Variants in RAB11FIP3 observed in about 807,000 individuals in gnomAD.
The protein encoded by RAB11FIP3 is rab11 family-interacting protein 3.
Under a neutral mutation model 77.8 loss-of-function variants are expected in RAB11FIP3, and 17 were observed. That is an observed-to-expected ratio of 0.22 (90% CI 0.15 to 0.33). The LOEUF (loss-of-function observed/expected upper bound fraction) is 0.33. RAB11FIP3 is among the 10% of genes least tolerant of loss of function. The pLI is 1.00. For missense variants in RAB11FIP3, 1,005 were observed against 1,011.2 expected (o/e 0.99, Z 0.08); for synonymous variants, 437 against 448.2 (o/e 0.98, Z 0.31).
chr16:510,822 A>C (rs1455475366), intron 9 of RAB11FIP3, 22 bp downstream of exon 9: 1 of 1,610,160 alleles, frequency 6.2e-7, no homozygotes, highest in East Asian at 2.2e-5. Context: ...CCAACAGCCC[A>C]TCCACCCCAG....
At chr16:477,588 C>T in intron 3 of RAB11FIP3, 1 of 984,342 alleles carries the variant, frequency 1.0e-6, no homozygotes, top group Non-Finnish European at 1.2e-6. Context: ...AGGCCCAGCA[C>T]AGGCCAGCCC....
Position 510,279 on chromosome 16 carries a change from G to A in RAB11FIP3, c.1500-381G>A, listed in dbSNP as rs561991027. ...CCGTGCCTCTGGGCTCTGAGCGCAC[G>A]CGTTGTGTGTAGTGGCTGCAGGTGG... On this transcript the variant is annotated intron_variant, in intron 8 of 13. Coordinates refer to ENST00000262305, the MANE Select transcript of RAB11FIP3 (RefSeq NM_014700.4). Among the ~76,000 whole-genome samples the A allele has an allele frequency of 4.6e-5, 7 of 151,600 alleles. No homozygotes were observed. The East Asian group carries it at 5.8e-4, about 13-fold the overall frequency.
intron 8 of RAB11FIP3, chr16:510,434 A>G: frequency 1.9e-6 from 1 of 534,178 alleles, no homozygotes; most frequent in Admixed American, 3.3e-5. Flanking sequence ...TGCAGTGGAC[A>G]CTGCTCCGGC....
At chr16:519,981 G>A (rs1332188440) in intron 11 of RAB11FIP3, 90 bp downstream of exon 11, 2 of 1,519,790 alleles carry the variant, frequency 1.3e-6, no homozygotes, top group Admixed American at 2.0e-5. Context: ...TCTTGGCTGT[G>A]CTGCTTTGGG....
rs987458683 is a variant in RAB11FIP3, at chr16:471,888, C to T, written c.903+499C>T. 1.3e-5 allele frequency among the ~76,000 whole-genome samples: 2 copies of T among 152,084 alleles called. No homozygotes were observed. Among genetic ancestry groups the T allele is most frequent in the African/African-American group, 2.4e-5 (1 of 41,418 alleles). On this transcript the variant is annotated intron_variant, in intron 3 of 13. Coordinates refer to ENST00000262305, the MANE Select transcript of RAB11FIP3 (RefSeq NM_014700.4). The surrounding 1 kb of genome is among the most constrained non-coding windows in gnomAD (Gnocchi z 4.4). ...TCAACATAGCTGGGGAGAGGGTCTT[C>T]GAGCACAGCCGTGGTCGACAGAGCG...
chr16:505,755 G>C lies in RAB11FIP3; in HGVS notation c.1499+128G>C. Reference sequence around the variant, plus strand: ...ACCCGTCCATCCCCGTTGGAAGCCGGCTGAGGGGGTGGTGCCAGGTGGTCA... The same window carrying C: ...ACCCGTCCATCCCCGTTGGAAGCCGCCTGAGGGGGTGGTGCCAGGTGGTCA... On this transcript the variant is annotated intron_variant, in intron 8 of 13. Coordinates refer to ENST00000262305, the MANE Select transcript of RAB11FIP3 (RefSeq NM_014700.4). The surrounding 1 kb of genome is among the most constrained non-coding windows in gnomAD (Gnocchi z 4.0). The C allele has an allele frequency of 1.2e-6, 1 of 806,112 alleles. No homozygotes were observed. The highest frequency in any genetic ancestry group is 1.9e-6 in the Non-Finnish European group (1 of 522,950). The allele number at this position is 806,112 out of a possible 1,614,324, so 49.9% of individuals were successfully genotyped here. A position where few individuals can be genotyped will look rare whatever the true frequency, so the allele number is the denominator to read the frequency against.
At chr16:481,534 AAAAGC>A (rs1397262109) in intron 3 of RAB11FIP3, among the ~76,000 whole-genome samples, 4 of 152,068 alleles carry the variant, frequency 2.6e-5, no homozygotes, top group Non-Finnish European at 2.9e-5. Context: ...CCAAAAAACA[AAAAGC>A]AAGCTCCTCC....
At chr16:451,235 G>A (rs766804009) in intron 1 of RAB11FIP3, among the ~76,000 whole-genome samples, 5 of 151,944 alleles carry the variant, frequency 3.3e-5, no homozygotes, top group African/African-American at 4.8e-5. Flanking sequence ...TACAGAGTCC[G>A]TACTGTTGTG....
chr16:464,777 C>G (rs2055673762), intron 2 of RAB11FIP3, among the ~76,000 whole-genome samples: 1 of 152,122 alleles, frequency 6.6e-6, no homozygotes, highest in African/African-American at 2.4e-5. Flanking sequence ...CCTGTAGTCC[C>G]AGCTACTTGG....
At chr16:487,189 GGC>G (rs1216746963) in intron 4 of RAB11FIP3, among the ~76,000 whole-genome samples, 1 of 149,630 alleles carries the variant, frequency 6.7e-6, no homozygotes, top group African/African-American at 2.5e-5. Flanking sequence ...GGAGTGCAGT[GGC>G]GCGATCTCGG....
chr16:522,004 C>T lies in RAB11FIP3; in HGVS notation c.*1165C>T, dbSNP rs899093277. ...TCCCGGGTGGGCCCAGACCCCATCA[C>T]CAAGACTGGCCACCCGCTGCGTGTG... On this transcript the variant is annotated 3_prime_UTR_variant, in exon 14 of 14. Transcript: ENST00000262305. 2.9e-5 allele frequency: 3 copies of T among 101,922 alleles called. No homozygotes were observed. The highest frequency in any genetic ancestry group is 1.5e-4 in the African/African-American group (3 of 20,310). The allele number at this position is 101,922 out of a possible 1,614,324, so 6.3% of individuals were successfully genotyped here.
chr16:519,488 T>C (rs2032571204), intron 10 of RAB11FIP3, among the ~76,000 whole-genome samples: 1 of 152,058 alleles, frequency 6.6e-6, no homozygotes, highest in Non-Finnish European at 1.5e-5. Context: ...AGCCACTGAG[T>C]CAGGTCCTGT....
chr16:452,041 C>T (rs372639728), intron 1 of RAB11FIP3, among the ~76,000 whole-genome samples: 5 of 152,108 alleles, frequency 3.3e-5, no homozygotes, highest in East Asian at 1.9e-4. Context: ...CCCAGCTACT[C>T]GGGAGGCTGA....
chr16:520,385 C>A (rs1223856231), intron 12 of RAB11FIP3, 74 bp from the exon 13 acceptor site: 30 of 1,592,604 alleles, frequency 1.9e-5, no homozygotes, highest in Middle Eastern at 1.9e-4. Flanking sequence ...AGGCCTTTTT[C>A]CCCGGGCAGT....
In RAB11FIP3 at chr16:461,611, T is replaced by C; in HGVS notation, c.808+114T>C. ...TGACTCTAACATCTTTCCTTCTCCT[T>C]GAAGCCCCCAACATACCCCAGGTTT... On this transcript the variant is annotated intron_variant, in intron 2 of 13. Transcript: ENST00000262305. The surrounding 1 kb of genome is among the most constrained non-coding windows in gnomAD (Gnocchi z 4.5). 1.2e-5 allele frequency: 10 copies of C among 838,196 alleles called. No homozygotes were observed. Among genetic ancestry groups the C allele is most frequent in the Non-Finnish European group, 1.9e-5 (10 of 524,370 alleles). The allele number at this position is 838,196 out of a possible 1,614,324, so 51.9% of individuals were successfully genotyped here.
At chr16:443,992 T>C (rs984887443) in intron 1 of RAB11FIP3, among the ~76,000 whole-genome samples, 1 of 151,856 alleles carries the variant, frequency 6.6e-6, no homozygotes. Flanking sequence ...TTTCCTGGAG[T>C]GTATTTGAGC....
At chr16:455,300 C>T (rs1195086195) in intron 1 of RAB11FIP3, among the ~76,000 whole-genome samples, 27 of 151,224 alleles carry the variant, frequency 1.8e-4, no homozygotes, top group African/African-American at 4.4e-4. Flanking sequence ...GCCAACATGG[C>T]GAAACCCCGT....
chr16:471,807 G>A lies in RAB11FIP3; in HGVS notation c.903+418G>A, dbSNP rs1052343006. Among the ~76,000 whole-genome samples the A allele has an allele frequency of 2.0e-5, 3 of 152,174 alleles. No homozygotes were observed. Among genetic ancestry groups the A allele is most frequent in the Non-Finnish European group, 4.4e-5 (3 of 68,018 alleles). On this transcript the variant is annotated intron_variant, in intron 3 of 13. Coordinates refer to ENST00000262305, the MANE Select transcript of RAB11FIP3 (RefSeq NM_014700.4). The surrounding 1 kb of genome is among the most constrained non-coding windows in gnomAD (Gnocchi z 4.4). ...CACCCTGCTCCCAGATGCAGCCAGG[G>A]TTGTCATGGTGACGTGGCGTCTCCT...
In RAB11FIP3 at chr16:484,222, A is replaced by G. The variant is rs2056104589; in HGVS notation, c.1115+1486A>G. 2.6e-5 allele frequency among the ~76,000 whole-genome samples: 4 copies of G among 151,964 alleles called. No homozygotes were observed. In the South Asian group the frequency reaches 8.3e-4, roughly 32 times the overall value. On this transcript the variant is annotated intron_variant, in intron 4 of 13. Transcript: ENST00000262305. ...TCAGGCAAGAACAAAACACTCCCGC[A>G]CCCAGGGTCCTCCCAGGCCCCTGAC...
Sources: gnomAD v4.1 joint callset for allele counts (sites outside exome capture counted in the v4.1 genomes callset) on GRCh38, gnomAD v4.1.1 for gene constraint, Gnocchi (gnomAD v3.1) non-coding constraint, MANE v1.5 for transcripts, NCBI Gene and HGNC (gene_info 2026-07-23, HGNC 2026-07-21) for gene names.